BPIFA3: variants seen among roughly 807,000 people sequenced by gnomAD.
The protein encoded by BPIFA3 is BPI fold containing family A member 3.
Under a neutral mutation model 29.7 loss-of-function variants are expected in BPIFA3, and 32 were observed. The observed-to-expected ratio is 1.08, with a 90% CI of 0.81 to 1.45. The LOEUF (loss-of-function observed/expected upper bound fraction) is 1.45, where lower values mean the gene tolerates loss of function less well. Ranked by LOEUF, BPIFA3 falls within the 40% of genes most tolerant of loss-of-function variation. BPIFA3 has a pLI of 0.00. For missense variants in BPIFA3, 323 were observed against 311.3 expected, an observed-to-expected ratio of 1.04 and a Z score of -0.28; for synonymous variants, 112 against 113.7, an observed-to-expected ratio of 0.98 and a Z score of 0.10.
At chr20:33,227,435 C>T (rs1202475060) in intron 6 of BPIFA3, 103 bp from the exon 7 acceptor site, 7 of 972,056 alleles carry the variant, frequency 7.2e-6, no homozygotes, top group South Asian at 4.1e-5. Flanking sequence ...TGAACGCTCC[C>T]GGCACCTGCC....
chr20:33,221,002 T>C (rs1302094903), intron 1 of BPIFA3, among the ~76,000 whole-genome samples: 1 of 152,218 alleles, frequency 6.6e-6, no homozygotes, highest in Non-Finnish European at 1.5e-5. Flanking sequence ...TAAGTCAGTA[T>C]TGACCTTTAA....
At chr20:33,218,401 C>T (rs924845343) in intron 1 of BPIFA3, among the ~76,000 whole-genome samples, 3 of 152,206 alleles carry the variant, frequency 2.0e-5, no homozygotes, top group African/African-American at 7.2e-5. Flanking sequence ...CCTGTCTCCC[C>T]ATGTTCCCCA....
In BPIFA3 at chr20:33,217,680, G is replaced by GCTCT. The variant is rs1160039955; in HGVS notation, c.127+18_127+21dup. 1 of 1,609,050 alleles carries GCTCT rather than the reference G, an allele frequency of 6.2e-7. No homozygotes were observed. The highest frequency in any genetic ancestry group is 1.3e-5 in the African/African-American group (1 of 74,640). On this transcript the variant is annotated intron_variant, in intron 1 of 6. Coordinates refer to ENST00000375454, the MANE Select transcript of BPIFA3 (RefSeq NM_178466.5). Reference sequence around the variant, plus strand: ...TGGCAAGAAGTAAGCTAAGCCCCGGGCTCTGCCTGCTGCCTACGGGGCTGG... The same window carrying GCTCT: ...TGGCAAGAAGTAAGCTAAGCCCCGGGCTCTCTCTGCCTGCTGCCTACGGGGCTGG...
At chr20:33,227,166 G>A (rs1028434310) in intron 6 of BPIFA3, among the ~76,000 whole-genome samples, 173 bp downstream of exon 6, 5 of 152,078 alleles carry the variant, frequency 3.3e-5, no homozygotes, top group Middle Eastern at 3.2e-3. Context: ...AAGAGAGCTG[G>A]GACAGCAGAA....
intron 1 of BPIFA3, among the ~76,000 whole-genome samples, chr20:33,222,227 C>G (rs1309496585): frequency 6.6e-6 from 1 of 152,270 alleles, no homozygotes; most frequent in Non-Finnish European, 1.5e-5. Context: ...TTTCTCAGCT[C>G]TGCTATCATC....
In BPIFA3 at chr20:33,217,547, C is replaced by T. The variant is rs189260453; in HGVS notation, c.11C>T (p.Pro4Leu). Reference protein sequence around the residue: MMCPLWRLLIFLGL... With the variant: MMCLLWRLLIFLGL... ...CAGGTCCCAGACCCTATGATGTGTC[C>T]ACTCTGGAGGCTCCTCATCTTCCTC... The change falls in exon 1 of 7, where the codon CCA becomes CTA. Residue 4 changes from proline (P) to leucine (L), a missense_variant. Pro to Leu is a moderately conservative substitution (Grantham distance 98). Coordinates refer to ENST00000375454, the MANE Select transcript of BPIFA3 (RefSeq NM_178466.5). 3 of 1,614,096 alleles carry T rather than the reference C, an allele frequency of 1.9e-6. No individual in the cohort carries two copies. The highest frequency in any genetic ancestry group is 3.3e-5 in the Admixed American group (2 of 60,030).
In BPIFA3 at chr20:33,217,651, A is replaced by C; in HGVS notation, c.115A>C (p.Thr39Pro). 1 of 1,613,220 alleles carries C rather than the reference A, an allele frequency of 6.2e-7. No individual in the cohort carries two copies. Among genetic ancestry groups the C allele is most frequent in the Non-Finnish European group, 8.5e-7 (1 of 1,179,718 alleles). Residue 39 changes from threonine to proline, a missense_variant, in exon 1 of 7, where the codon ACC becomes CCC. Transcript: ENST00000375454. ...CCAAGCCCACAGAGACAACAAATCC[A>C]CCCTGGCAAGAAGTAAGCTAAGCCC... ...LAQAHRDNKS[T>P]LARIIAQGLI...
intron 1 of BPIFA3, among the ~76,000 whole-genome samples, chr20:33,220,855 A>G (rs550596397): frequency 6.6e-6 from 1 of 152,282 alleles, no homozygotes; most frequent in African/African-American, 2.4e-5. Context: ...CTTGCATTGT[A>G]GCCAGAGCCT....
intron 1 of BPIFA3, among the ~76,000 whole-genome samples, chr20:33,222,269 G>A (rs1403295563): frequency 1.3e-5 from 2 of 152,212 alleles, no homozygotes; most frequent in Non-Finnish European, 2.9e-5. Flanking sequence ...TTCCCATTGT[G>A]GTAGGAAAAT....
chr20:33,223,266 G>T (rs35261544), intron 1 of BPIFA3, among the ~76,000 whole-genome samples: 2 of 152,142 alleles, frequency 1.3e-5, no homozygotes, highest in African/African-American at 4.8e-5. Context: ...GGTACACTAC[G>T]AGGTTCATCA....
chr20:33,220,176 A>T (rs1467191713), intron 1 of BPIFA3, among the ~76,000 whole-genome samples: 1 of 151,962 alleles, frequency 6.6e-6, no homozygotes, highest in African/African-American at 2.4e-5. Flanking sequence ...AGGTGGGCGA[A>T]TCACAAGGTC....
chr20:33,224,695 G>C (rs1335118365), intron 3 of BPIFA3, among the ~76,000 whole-genome samples: 1 of 152,202 alleles, frequency 6.6e-6, no homozygotes, highest in Admixed American at 6.5e-5. Context: ...ACCTATGAGA[G>C]TTCACAACAA....
intron 1 of BPIFA3, 37 bp downstream of exon 1, chr20:33,217,700 G>A (rs755251623): frequency 3.2e-5 from 50 of 1,587,142 alleles, no homozygotes; most frequent in South Asian, 1.7e-4. Context: ...CTGCCTACGG[G>A]GCTGGGGAGG....
At chr20:33,221,160 T>C (rs1025632491) in intron 1 of BPIFA3, among the ~76,000 whole-genome samples, 2 of 151,988 alleles carry the variant, frequency 1.3e-5, no homozygotes, top group Non-Finnish European at 2.9e-5. Context: ...TTTTTTTTTT[T>C]TTTTTTTCAA....
Position 33,221,437 on chromosome 20 carries a change from G to A in BPIFA3, c.128-2374G>A, listed in dbSNP as rs550885112. ...CTCCCAAAGTGTTGGGATTACAGGCGTGAGCCACTGCGCCTGGCCAAGATT... is the reference window on the plus strand; with the variant it reads ...CTCCCAAAGTGTTGGGATTACAGGCATGAGCCACTGCGCCTGGCCAAGATT... On this transcript the variant is annotated intron_variant, in intron 1 of 6. Transcript: ENST00000375454. 5.9e-5 allele frequency among the ~76,000 whole-genome samples: 9 copies of A among 152,344 alleles called. No homozygotes were observed. The South Asian group carries it at 6.2e-4, about 11-fold the overall frequency.
In BPIFA3 at chr20:33,227,710, C is replaced by T. The variant is rs1978372487; in HGVS notation, c.*93C>T. ...TACCCTAAAAACTTTACCCCAGGCT[C>T]TGTGGACATACCATCCTCTCCTACA... On this transcript the variant is annotated 3_prime_UTR_variant, in exon 7 of 7. Coordinates refer to ENST00000375454, the MANE Select transcript of BPIFA3 (RefSeq NM_178466.5). 9.8e-7 allele frequency: 1 copy of T among 1,022,036 alleles called. No homozygotes were observed. The allele number at this position is 1,022,036 out of a possible 1,614,324, so 63.3% of individuals were successfully genotyped here.
rs1040575897 is a variant in BPIFA3, at chr20:33,223,826, T to A, written c.143T>A (p.Leu48His). ...STLARIIAQG[L>H]IKHNAESRIQ... ...GCATTTCCAGTTATTGCTCAGGGCC[T>A]CATAAAGCACAACGCAGAAAGCCGA... The change falls in exon 2 of 7, where the codon CTC (leucine) becomes CAC (histidine). Residue 48 changes from leucine (L) to histidine (H), a missense_variant. Coordinates refer to ENST00000375454, the MANE Select transcript of BPIFA3 (RefSeq NM_178466.5). 1 of 1,613,666 alleles carries A rather than the reference T, an allele frequency of 6.2e-7. No homozygotes were observed. The highest frequency in any genetic ancestry group is 1.3e-5 in the African/African-American group (1 of 74,922).
At chr20:33,221,045 T>C (rs1291157857) in intron 1 of BPIFA3, among the ~76,000 whole-genome samples, 1 of 152,216 alleles carries the variant, frequency 6.6e-6, no homozygotes, top group Non-Finnish European at 1.5e-5. Context: ...AGTTAATCAC[T>C]TTTTTCCTCC....
rs1168451041 is a variant in BPIFA3 at position 33,223,547 on chromosome 20, G to A, written c.128-264G>A. ...TGCTCCAGACTGAAATACAGTGTTG[G>A]GTGAACTTTCAACCAGAATACCCCA... is the stretch of plus-strand genomic sequence containing the variant. On this transcript the variant is annotated intron_variant, in intron 1 of 6. Transcript: ENST00000375454. The A allele has an allele frequency of 4.7e-5, 18 of 384,596 alleles. No homozygotes were observed. In the Admixed American group the frequency reaches 6.6e-4, roughly 14 times the overall value. The allele number at this position is 384,596 out of a possible 1,614,324, so 23.8% of individuals were successfully genotyped here.
Sources: allele counts gnomAD v4.1 joint callset (sites outside exome capture counted in the v4.1 genomes callset), GRCh38; gene constraint gnomAD v4.1.1; transcripts MANE v1.5; gene names NCBI Gene and HGNC (gene_info 2026-07-23, HGNC 2026-07-21).